Variants in IKZF2 observed in about 807,000 individuals in gnomAD.
IKZF2 encodes zinc finger protein Helios.
IKZF2 carries 15 observed loss-of-function variants against 49.2 expected under a neutral mutation model. The observed-to-expected ratio is 0.30, with a 90% confidence interval of 0.20 to 0.47. The LOEUF (loss-of-function observed/expected upper bound fraction) is 0.47. Among genes scored for constraint, IKZF2 ranks in the 20% least tolerant of loss-of-function variants. The pLI, the probability that IKZF2 is intolerant of heterozygous loss-of-function variation, is 1.00. For missense variants in IKZF2, 567 were observed against 664.6 expected (o/e 0.85, Z 1.61); for synonymous variants, 227 against 221.4 (o/e 1.03, Z -0.23).
intron 4 of IKZF2, among the ~76,000 whole-genome samples, chr2:213,062,219 A>T (rs1173571622): frequency 6.6e-6 from 1 of 151,688 alleles, no homozygotes; most frequent in African/African-American, 2.4e-5. Flanking sequence ...TGAGAACTGA[A>T]AATATCAATT....
intron 4 of IKZF2, among the ~76,000 whole-genome samples, chr2:213,097,229 T>C (rs1706113179): frequency 6.6e-6 from 1 of 151,886 alleles, no homozygotes; most frequent in Non-Finnish European, 1.5e-5. Context: ...TATGCAATAG[T>C]TGGAAATAAT....
intron 6 of IKZF2, among the ~76,000 whole-genome samples, chr2:213,037,288 C>T (rs1699124689): frequency 6.6e-6 from 1 of 152,154 alleles, no homozygotes; most frequent in Non-Finnish European, 1.5e-5. Flanking sequence ...AAATGACTTG[C>T]ACCAAAGTGA....
chr2:213,150,369 A>T (rs2061239346), intron 1 of IKZF2, 122 bp from the exon 2 acceptor site: 2 of 340,218 alleles, frequency 5.9e-6, no homozygotes, highest in Non-Finnish European at 5.9e-6. Flanking sequence ...AAGGAAAAGC[A>T]CTTTACAGGT....
chr2:213,141,299 C>G (rs1046658870), intron 4 of IKZF2, among the ~76,000 whole-genome samples: 2 of 151,948 alleles, frequency 1.3e-5, no homozygotes, highest in Non-Finnish European at 2.9e-5. Flanking sequence ...GAGACTGGTC[C>G]CCATCCACAA....
Position 213,056,957 on chromosome 2 carries a change from C to A in IKZF2, c.282G>T (p.Arg94Ser), listed in dbSNP as rs757243686. Residue 94 changes from arginine to serine, a missense_variant, in exon 5 of 9, where the codon AGG becomes AGT. By Grantham distance (110) the Arg-to-Ser change is moderately radical. Around this residue, in one of 5 missense-constraint regions of IKZF2, gnomAD observed 156 missense variants for 138.5 expected, o/e 1.13. Coordinates refer to ENST00000434687, the MANE Select transcript of IKZF2 (RefSeq NM_001387220.1). The stretch of plus-strand genomic sequence containing the variant: ...CCTCGCCTTGAAGCTCCTGGACTTT[C>A]CTGTTGTCAGCCACCTCGCTGCTCT... Reference protein sequence around the residue: ...LIESSEVADNRKVQELQGEGG... With the variant: ...LIESSEVADNSKVQELQGEGG... 2 of 1,613,720 alleles carry A rather than the reference C, an allele frequency of 1.2e-6. No homozygotes were observed. Among genetic ancestry groups the A allele is most frequent in the Non-Finnish European group, 1.7e-6 (2 of 1,179,880 alleles).
intron 4 of IKZF2, among the ~76,000 whole-genome samples, chr2:213,087,246 T>C (rs1181048989): frequency 6.6e-6 from 1 of 152,178 alleles, no homozygotes; most frequent in Non-Finnish European, 1.5e-5. Context: ...TCATTATTTC[T>C]GTGGGAACTT....
chr2:213,130,712 A>AT (rs1273891760), intron 4 of IKZF2, among the ~76,000 whole-genome samples: 1 of 152,168 alleles, frequency 6.6e-6, no homozygotes, highest in African/African-American at 2.4e-5. Context: ...ACAAGCTTGA[A>AT]TTTTCAGTTC....
At chr2:213,088,674 C>T (rs1704950552) in intron 4 of IKZF2, among the ~76,000 whole-genome samples, 1 of 152,120 alleles carries the variant, frequency 6.6e-6, no homozygotes, top group Non-Finnish European at 1.5e-5. Context: ...AGGAGAATCG[C>T]TTGAACCCAG....
chr2:213,007,899 C>T lies in IKZF2; in HGVS notation c.1042G>A (p.Ala348Thr). ...QHPPSTIAEV[A>T]PVISSAYSQV... ...GAATAAGCTGAGCTTATAACTGGGG[C>T]CACTTCAGCGATTGTGCTTGGCGGG... The change falls in exon 9 of 9, where the codon GCC (alanine) becomes ACC (threonine). Residue 348 changes from alanine (A) to threonine (T), a missense_variant. This residue lies in a region of IKZF2 where 310 missense variants were observed against 326.9 expected (regional missense o/e 0.95). Transcript: ENST00000434687. 6.2e-7 allele frequency: 1 copy of T among 1,613,522 alleles called. No individual in the cohort carries two copies. Among genetic ancestry groups the T allele is most frequent in the Non-Finnish European group, 8.5e-7 (1 of 1,179,720 alleles).
chr2:213,143,042 GT>G (rs1336278577), intron 4 of IKZF2, among the ~76,000 whole-genome samples: 2 of 151,888 alleles, frequency 1.3e-5, no homozygotes, highest in African/African-American at 4.8e-5. Flanking sequence ...AGGGAAAAAA[GT>G]AAAGAAAAAC....
chr2:213,150,904 G>GT (rs199710880), intron 1 of IKZF2, among the ~76,000 whole-genome samples: 7,393 of 138,998 alleles, frequency 0.053, 269 homozygotes, highest in East Asian at 0.11. Flanking sequence ...AGGGTTTTTG[G>GT]TTTTTTTTTT....
intron 4 of IKZF2, among the ~76,000 whole-genome samples, chr2:213,070,253 G>A (rs1702555759): frequency 6.6e-6 from 1 of 152,100 alleles, no homozygotes; most frequent in South Asian, 2.1e-4. Context: ...TTTTAACTAT[G>A]CTTAGTTATG....
Position 213,148,647 on chromosome 2 carries a change from GCAAAA to G in IKZF2, c.-15-8_-15-4del. ...GTTTCCATAGTCAAAGTGCAATGCT[GCAAAA>G]CAAAAGATTATACCCTTAATACAAT... On this transcript the variant is annotated splice_region_variant and splice_polypyrimidine_tract_variant and intron_variant, in intron 2 of 8. Coordinates refer to ENST00000434687, the MANE Select transcript of IKZF2 (RefSeq NM_001387220.1). The G allele has an allele frequency of 1.2e-6, 2 of 1,608,258 alleles. No individual in the cohort carries two copies. The highest frequency in any genetic ancestry group is 1.7e-6 in the Non-Finnish European group (2 of 1,174,876).
At chr2:213,011,713 G>A (rs781429265) in intron 8 of IKZF2, among the ~76,000 whole-genome samples, 4 of 151,980 alleles carry the variant, frequency 2.6e-5, no homozygotes, top group Non-Finnish European at 5.9e-5. Flanking sequence ...AGGATGGATA[G>A]GCCAGCTGAT....
At chr2:213,040,109 T>C (rs998858523) in intron 6 of IKZF2, among the ~76,000 whole-genome samples, 4 of 152,146 alleles carry the variant, frequency 2.6e-5, no homozygotes, top group African/African-American at 9.7e-5. Flanking sequence ...GTATAATTCT[T>C]AGCCAAAATT....
chr2:213,077,910 T>A (rs1162720154), intron 4 of IKZF2, among the ~76,000 whole-genome samples: 3 of 152,170 alleles, frequency 2.0e-5, no homozygotes, highest in Non-Finnish European at 2.9e-5. Flanking sequence ...TTATTTTTTT[T>A]AATCATGTTT....
At chr2:213,076,404 T>C (rs1303252925) in intron 4 of IKZF2, among the ~76,000 whole-genome samples, 2 of 152,186 alleles carry the variant, frequency 1.3e-5, no homozygotes, top group Non-Finnish European at 2.9e-5. Context: ...ACACAAATAA[T>C]GTGTAGTAGG....
At chr2:213,077,580 C>CTTTTTTTTTTTTT (rs58528665) in intron 4 of IKZF2, among the ~76,000 whole-genome samples, 3 of 59,448 alleles carry the variant, frequency 5.0e-5, no homozygotes, top group Non-Finnish European at 9.2e-5. Context: ...ATTCTATGTA[C>CTTTTTTTTTTTTT]TTTTTTTTTT....
chr2:213,113,100 T>C (rs2059766432), intron 4 of IKZF2, among the ~76,000 whole-genome samples: 2 of 152,210 alleles, frequency 1.3e-5, no homozygotes, highest in South Asian at 2.1e-4. Flanking sequence ...AAATATCTGA[T>C]TGTTTTTTAA....
Sources: allele counts gnomAD v4.1 joint callset (sites outside exome capture counted in the v4.1 genomes callset), GRCh38; gene constraint gnomAD v4.1.1; regional missense constraint gnomAD v4.1.1; transcripts MANE v1.5; gene names NCBI Gene and HGNC (gene_info 2026-07-23, HGNC 2026-07-21).